Variants in TRIP11 observed in about 807,000 individuals in gnomAD.
TRIP11 encodes thyroid hormone receptor interactor 11, also known as thyroid receptor-interacting protein 11.
TRIP11 carries 148 observed loss-of-function variants against 223.1 expected under a neutral mutation model. The ratio of observed to expected loss-of-function variants is 0.66; its 90% CI spans 0.58 to 0.76. TRIP11 has a LOEUF of 0.76. TRIP11 is among the 30% of genes least tolerant of loss of function. The probability of loss-of-function intolerance (pLI) is 0.00; values close to 1 mark genes in which losing one functional copy is unlikely to be tolerated. For synonymous variants in TRIP11, 762 were observed against 772.6 expected, an observed-to-expected ratio of 0.99 and a Z score of 0.23; for missense variants, 2,043 against 2,222.0, an observed-to-expected ratio of 0.92 and a Z score of 1.62.
chr14:92,025,270 T>C, intron 3 of TRIP11, 40 bp downstream of exon 3: 1 of 1,399,654 alleles, frequency 7.1e-7, no homozygotes, highest in Non-Finnish European at 1.0e-6. Flanking sequence ...CTAAATACAT[T>C]ACAGTGAAGT....
rs189395244 is a variant in TRIP11, at chr14:92,029,215, A to T, written c.202-3795T>A. 4.0e-5 allele frequency among the ~76,000 whole-genome samples: 6 copies of T among 151,806 alleles called. No individual in the cohort carries two copies. The East Asian group carries it at 1.2e-3, about 29-fold the overall frequency. On this transcript the variant is annotated intron_variant, in intron 2 of 20. Transcript: ENST00000267622. ...TAACAAGAAAACGGAAAACTTATGAAATCACCTAGGAGAATGATGCAATGG... is the reference window on the plus strand; with the variant it reads ...TAACAAGAAAACGGAAAACTTATGATATCACCTAGGAGAATGATGCAATGG...
intron 15 of TRIP11, among the ~76,000 whole-genome samples, chr14:91,991,851 T>G (rs938329277): frequency 2.0e-5 from 3 of 151,708 alleles, no homozygotes; most frequent in Non-Finnish European, 4.4e-5. Context: ...GGGAGGCTGA[T>G]GTGGATGGAT....
At position 91,988,310 on chromosome 14, in the gene TRIP11, T is replaced by C. The variant is rs142300046; in HGVS notation, c.5234A>G (p.Glu1745Gly). The C allele has an allele frequency of 1.2e-5, 19 of 1,613,164 alleles. No homozygotes were observed. In the African/African-American group the frequency reaches 1.6e-4, roughly 14 times the overall value. Residue 1745 changes from glutamate (E) to glycine (G), a missense_variant, in exon 16 of 21, where the codon GAA becomes GGA. Glu to Gly is a moderately conservative substitution (Grantham distance 98, BLOSUM62 -2). Coordinates refer to ENST00000267622, the MANE Select transcript of TRIP11 (RefSeq NM_004239.4). The stretch of plus-strand genomic sequence containing the variant: ...TTGTCTTTTAAGTTCTTCAATTTGT[T>C]CTTCTTTTACATCTAACTGTTCTGT... ...RLTEQLDVKE[E>G]QIEELKRQNE...
At chr14:91,975,345 C>T (rs1595365569) in intron 17 of TRIP11, 59 bp from the exon 18 acceptor site, 2 of 1,091,980 alleles carry the variant, frequency 1.8e-6, no homozygotes, top group East Asian at 2.4e-5. Context: ...CACTCAAACA[C>T]TAAGCATAGA....
chr14:92,023,954 C>T (rs1464730310), intron 3 of TRIP11, among the ~76,000 whole-genome samples: 2 of 151,108 alleles, frequency 1.3e-5, no homozygotes, highest in African/African-American at 4.9e-5. Flanking sequence ...CTCCCAGGTT[C>T]AAGCAATTCT....
In TRIP11 at chr14:92,010,461, C is replaced by T. The variant is rs111445396; in HGVS notation, c.1314+525G>A. ...AGGAGAATCGCTTGAACCCGGGAGGCGGAGGTTGCGGTGACCCGAGATTGC... is the reference window on the plus strand; with the variant it reads ...AGGAGAATCGCTTGAACCCGGGAGGTGGAGGTTGCGGTGACCCGAGATTGC... On this transcript the variant is annotated intron_variant, in intron 9 of 20. Coordinates refer to ENST00000267622, the MANE Select transcript of TRIP11 (RefSeq NM_004239.4). Among the ~76,000 whole-genome samples, 616 of 152,036 alleles carry T rather than the reference C, an allele frequency of 4.1e-3. 3 individuals are homozygous for T. Among genetic ancestry groups the T allele is most frequent in the African/African-American group, 0.014 (581 of 41,460 alleles).
At chr14:91,992,826 G>A (rs1237442313) in intron 15 of TRIP11, among the ~76,000 whole-genome samples, 3 of 146,358 alleles carry the variant, frequency 2.0e-5, no homozygotes, top group Non-Finnish European at 4.5e-5. Flanking sequence ...GGAGAAAGGC[G>A]TGAACCCAGG....
At chr14:91,992,072 G>A (rs765384667) in intron 15 of TRIP11, among the ~76,000 whole-genome samples, 26 of 77,038 alleles carry the variant, frequency 3.4e-4, no homozygotes, top group African/African-American at 1.2e-3. Context: ...AGAGCGAAAC[G>A]CCGTCTCAAA....
chr14:92,023,904 A>G (rs1251054349), intron 3 of TRIP11, among the ~76,000 whole-genome samples: 2 of 149,718 alleles, frequency 1.3e-5, no homozygotes, highest in Non-Finnish European at 3.0e-5. Context: ...GACCCAGGCT[A>G]GAATGCAGTG....
At chr14:91,995,261 C>T in intron 14 of TRIP11, 91 bp downstream of exon 14, 2 of 1,502,866 alleles carry the variant, frequency 1.3e-6, no homozygotes, top group Non-Finnish European at 1.8e-6. Context: ...TCAGAGATTT[C>T]CCCGTGCCTC....
In TRIP11 at chr14:91,999,291, G is replaced by A. The variant is rs1334413366; in HGVS notation, c.4841C>T (p.Thr1614Ile). 1 of 1,613,806 alleles carries A rather than the reference G, an allele frequency of 6.2e-7. No homozygotes were observed. The highest frequency in any genetic ancestry group is 1.7e-5 in the Admixed American group (1 of 60,012). ...DREAKLRKKV[T>I]VLEEKLVSSS... ...TGAAACTAGCTTTTCCTCCAATACT[G>A]TGACTTTCTTTCTTAGTTTAGCCTC... The change falls in exon 13 of 21, where the codon ACA becomes ATA. Residue 1614 changes from threonine (T) to isoleucine (I), a missense_variant. By Grantham distance (89) the Thr-to-Ile change is moderately conservative. Transcript: ENST00000267622.
chr14:91,994,907 T>C (rs972397990), intron 14 of TRIP11, among the ~76,000 whole-genome samples: 2 of 152,222 alleles, frequency 1.3e-5, no homozygotes, highest in Non-Finnish European at 2.9e-5. Context: ...GCTATGAACA[T>C]GTGAATCACC....
intron 4 of TRIP11, among the ~76,000 whole-genome samples, chr14:92,021,032 T>C (rs1323709942): frequency 7.1e-6 from 1 of 140,548 alleles, no homozygotes; most frequent in East Asian, 2.1e-4. Flanking sequence ...ACTGTGCCAC[T>C]GCATTCCAGC....
intron 1 of TRIP11, among the ~76,000 whole-genome samples, chr14:92,034,077 G>A (rs1207972556): frequency 6.6e-6 from 1 of 152,162 alleles, no homozygotes; most frequent in Non-Finnish European, 1.5e-5. Flanking sequence ...TGCTTTTTCT[G>A]GCTGCTTGTA....
Position 91,995,516 on chromosome 14 carries a change from C to T in TRIP11, c.4893-1G>A. Reference sequence around the variant, plus strand: ...CTCTACCTGCACACTGGCTTGATGGCTTCAAACAAAAAGAATAAAAGTCAA... The same window carrying T: ...CTCTACCTGCACACTGGCTTGATGGTTTCAAACAAAAAGAATAAAAGTCAA... On this transcript the variant is annotated splice_acceptor_variant, in intron 13 of 20. Coordinates refer to ENST00000267622, the MANE Select transcript of TRIP11 (RefSeq NM_004239.4). LOFTEE classifies it high-confidence loss of function. 6.2e-7 allele frequency: 1 copy of T among 1,613,936 alleles called. No individual in the cohort carries two copies. The highest frequency in any genetic ancestry group is 8.5e-7 in the Non-Finnish European group (1 of 1,179,932).
chr14:92,034,846 C>T (rs766814858), intron 1 of TRIP11, among the ~76,000 whole-genome samples: 2 of 152,170 alleles, frequency 1.3e-5, no homozygotes, highest in Non-Finnish European at 2.9e-5. Context: ...GTTGCCCAGG[C>T]AGGTCTCGAA....
intron 14 of TRIP11, 138 bp downstream of exon 14, chr14:91,995,214 G>C (rs1269889086): frequency 1.5e-5 from 13 of 890,310 alleles, no homozygotes; most frequent in African/African-American, 3.4e-5. Flanking sequence ...ACTTTTTGAT[G>C]GCTACTCACC....
At chr14:92,027,804 G>C (rs776919680) in intron 2 of TRIP11, among the ~76,000 whole-genome samples, 2 of 152,156 alleles carry the variant, frequency 1.3e-5, no homozygotes, top group African/African-American at 2.4e-5. Context: ...TTAGATTCTA[G>C]GAACTTCTGA....
intron 16 of TRIP11, among the ~76,000 whole-genome samples, chr14:91,986,999 T>C (rs1308214065): frequency 6.6e-6 from 1 of 152,202 alleles, no homozygotes; most frequent in African/African-American, 2.4e-5. Context: ...ATTATGGTAA[T>C]AGTTAAAAAG....
Sources: gnomAD v4.1 joint callset for allele counts (sites outside exome capture counted in the v4.1 genomes callset) on GRCh38, gnomAD v4.1.1 for gene constraint, MANE v1.5 for transcripts, NCBI Gene and HGNC (gene_info 2026-07-23, HGNC 2026-07-21) for gene names.